PRKN: variants seen among roughly 807,000 people sequenced by gnomAD.
The protein encoded by PRKN is E3 ubiquitin-protein ligase parkin.
PRKN carries 56 observed loss-of-function variants against 59.5 expected under a neutral mutation model. That is an observed-to-expected ratio of 0.94 (90% CI 0.76 to 1.18). PRKN has a LOEUF of 1.18. PRKN is among the 50% of genes most tolerant of loss of function. PRKN has a pLI of 0.00. For missense variants in PRKN, 657 were observed against 596.4 expected, an observed-to-expected ratio of 1.10 and a Z score of -1.06; for synonymous variants, 250 against 222.1, an observed-to-expected ratio of 1.13 and a Z score of -1.12.
chr6:162,177,199 G>A (rs1783579497), intron 4 of PRKN, among the ~76,000 whole-genome samples: 2 of 151,802 alleles, frequency 1.3e-5, no homozygotes, highest in South Asian at 4.2e-4. Context: ...TTGCAGCAGA[G>A]CATAGAATAT....
chr6:162,427,207 G>A (rs1482861854), intron 2 of PRKN, among the ~76,000 whole-genome samples: 1 of 152,188 alleles, frequency 6.6e-6, no homozygotes, highest in South Asian at 2.1e-4. Flanking sequence ...AAACGTTGGC[G>A]AGGATGTGAA....
At chr6:162,199,934 T>C (rs567575983) in intron 4 of PRKN, among the ~76,000 whole-genome samples, 3 of 152,238 alleles carry the variant, frequency 2.0e-5, no homozygotes, top group African/African-American at 7.2e-5. Flanking sequence ...GCGAACCAGA[T>C]GAAATGCGCC....
chr6:162,238,471 T>C (rs1195228422), intron 3 of PRKN, among the ~76,000 whole-genome samples: 1 of 152,230 alleles, frequency 6.6e-6, no homozygotes, highest in Non-Finnish European at 1.5e-5. Flanking sequence ...TAATAGCTTG[T>C]AATGAAGACA....
chr6:162,550,548 G>C (rs1779296965), intron 1 of PRKN, among the ~76,000 whole-genome samples: 1 of 152,134 alleles, frequency 6.6e-6, no homozygotes, highest in Admixed American at 6.5e-5. Context: ...GACTCTCCTA[G>C]GGGTATGTAA....
At position 161,582,441 on chromosome 6, in the gene PRKN, T is replaced by TA. The variant is rs397761693; in HGVS notation, c.872-13026_872-13025insT. On this transcript the variant is annotated intron_variant, in intron 7 of 11. Coordinates refer to ENST00000366898, the MANE Select transcript of PRKN (RefSeq NM_004562.3). This position sits in a 1 kb window ranked among gnomAD's most constrained non-coding sequence, Gnocchi z 4.4. ...TTATTATTATTATTATTATTATTAT[T>TA]TTTGAGACAGAGTCTCGCTCTGTCG... 1.3e-5 allele frequency among the ~76,000 whole-genome samples: 2 copies of TA among 148,980 alleles called. No homozygotes were observed. The highest frequency in any genetic ancestry group is 1.3e-4 in the Admixed American group (2 of 14,926).
chr6:162,316,150 T>A (rs1782744957), intron 2 of PRKN, among the ~76,000 whole-genome samples: 1 of 151,740 alleles, frequency 6.6e-6, no homozygotes, highest in Admixed American at 6.6e-5. Flanking sequence ...AGAGGAGCAG[T>A]GGCCAGGAAA....
At chr6:162,253,072 T>C (rs1426305165) in intron 3 of PRKN, among the ~76,000 whole-genome samples, 1 of 152,194 alleles carries the variant, frequency 6.6e-6, no homozygotes. Context: ...CAGGACGCTG[T>C]TGTCTACAGT....
chr6:161,754,959 G>C (rs1486448666), intron 7 of PRKN, among the ~76,000 whole-genome samples: 1 of 152,174 alleles, frequency 6.6e-6, no homozygotes, highest in Non-Finnish European at 1.5e-5. Context: ...CACTCAGGGG[G>C]AGAAATAGTC....
At chr6:161,996,633 T>C (rs1009771419) in intron 5 of PRKN, among the ~76,000 whole-genome samples, 2 of 152,170 alleles carry the variant, frequency 1.3e-5, no homozygotes, top group Non-Finnish European at 2.9e-5. Flanking sequence ...TAGCAGACTC[T>C]CTATTTGTTA....
At chr6:161,631,779 A>ACACG (rs1372170911) in intron 7 of PRKN, among the ~76,000 whole-genome samples, 2 of 149,300 alleles carry the variant, frequency 1.3e-5, no homozygotes, top group Non-Finnish European at 3.0e-5. Context: ...ACAAACACAC[A>ACACG]CACACACACA....
In PRKN at chr6:161,410,217, A is replaced by G. The variant is rs1256071631; in HGVS notation, c.1084-23340T>C. Among the ~76,000 whole-genome samples, 1 of 152,116 alleles carries G rather than the reference A, an allele frequency of 6.6e-6. No homozygotes were observed. The highest frequency in any genetic ancestry group is 1.5e-5 in the Non-Finnish European group (1 of 68,026). On this transcript the variant is annotated intron_variant, in intron 9 of 11. Coordinates refer to ENST00000366898, the MANE Select transcript of PRKN (RefSeq NM_004562.3). This position sits in a 1 kb window ranked among gnomAD's most constrained non-coding sequence, Gnocchi z 5.3. ...TGGCCAGGAATCTGAAGGAGAGTGA[A>G]CATGAGTGAGAGTACGAGCATGTCT...
chr6:161,360,839 C>A lies in PRKN; in HGVS notation c.1168-634G>T, dbSNP rs1182036368. ...CTGGAACCAGCTGTCTGGTTCAAAT[C>A]CCAGCTCTACCCAGACGGGTGACTC... On this transcript the variant is annotated intron_variant, in intron 10 of 11. Coordinates refer to ENST00000366898, the MANE Select transcript of PRKN (RefSeq NM_004562.3). This position sits in a 1 kb window ranked among gnomAD's most constrained non-coding sequence, Gnocchi z 5.1. Among the ~76,000 whole-genome samples the A allele has an allele frequency of 2.0e-5, 3 of 152,196 alleles. No homozygotes were observed. The East Asian group carries it at 5.8e-4, about 29-fold the overall frequency.
intron 1 of PRKN, among the ~76,000 whole-genome samples, chr6:162,493,432 A>G (rs1007201169): frequency 2.0e-5 from 3 of 152,216 alleles, no homozygotes; most frequent in Non-Finnish European, 4.4e-5. Context: ...AAGGACACTC[A>G]GCAATGCCAT....
At chr6:162,293,777 G>C (rs1000014630) in intron 2 of PRKN, among the ~76,000 whole-genome samples, 1 of 152,212 alleles carries the variant, frequency 6.6e-6, no homozygotes, top group African/African-American at 2.4e-5. Context: ...TGGGCAGGTG[G>C]AGAGACAGAA....
At chr6:162,329,513 G>A (rs1293720755) in intron 2 of PRKN, among the ~76,000 whole-genome samples, 1 of 152,056 alleles carries the variant, frequency 6.6e-6, no homozygotes, top group Non-Finnish European at 1.5e-5. Context: ...CATCAGGTCT[G>A]GCCTTGGTGA....
intron 2 of PRKN, among the ~76,000 whole-genome samples, chr6:162,376,340 C>T (rs769952917): frequency 6.6e-6 from 1 of 152,124 alleles, no homozygotes; most frequent in African/African-American, 2.4e-5. Context: ...ACTAGAGTGG[C>T]AAATTGTATT....
At chr6:161,977,116 G>C (rs1038468186) in intron 5 of PRKN, among the ~76,000 whole-genome samples, 1 of 152,154 alleles carries the variant, frequency 6.6e-6, no homozygotes, top group Admixed American at 6.5e-5. Context: ...TTTTGTTGTA[G>C]TACTAGAATA....
intron 6 of PRKN, among the ~76,000 whole-genome samples, chr6:161,879,769 G>A (rs1158164032): frequency 1.3e-5 from 2 of 152,102 alleles, no homozygotes; most frequent in African/African-American, 4.8e-5. Flanking sequence ...TCGTTATAGA[G>A]TCTTTTTCAT....
chr6:161,551,426 A>G lies in PRKN; in HGVS notation c.934-2423T>C, dbSNP rs1212745261. Among the ~76,000 whole-genome samples, 1 of 152,148 alleles carries G rather than the reference A, an allele frequency of 6.6e-6. No homozygotes were observed. The highest frequency in any genetic ancestry group is 1.5e-5 in the Non-Finnish European group (1 of 68,022). ...TTATGAGGTCAGATGTGATTATCCA[A>G]CCTCTGCAGGGAAGGTGAGAAAACA... On this transcript the variant is annotated intron_variant, in intron 8 of 11. Coordinates refer to ENST00000366898, the MANE Select transcript of PRKN (RefSeq NM_004562.3). This position sits in a 1 kb window ranked among gnomAD's most constrained non-coding sequence, Gnocchi z 5.2.
Sources: allele counts gnomAD v4.1 joint callset (sites outside exome capture counted in the v4.1 genomes callset), GRCh38; gene constraint gnomAD v4.1.1; non-coding constraint Gnocchi (gnomAD v3.1); transcripts MANE v1.5; gene names NCBI Gene and HGNC (gene_info 2026-07-23, HGNC 2026-07-21).